Variants in NCK1 observed in about 807,000 individuals in gnomAD.
The protein encoded by NCK1 is SH2/SH3 adapter protein NCK1.
In NCK1, 19 loss-of-function variants were observed where a neutral mutation model predicts 36.6. The ratio of observed to expected loss-of-function variants is 0.52; its 90% CI spans 0.36 to 0.76. NCK1 has a LOEUF of 0.76. Ranked by LOEUF, NCK1 falls within the 30% of genes least tolerant of loss-of-function variation. The pLI, the probability that NCK1 is intolerant of heterozygous loss-of-function variation, is 0.00. For synonymous variants in NCK1, 165 were observed against 156.0 expected (o/e 1.06, Z -0.43); for missense variants, 358 against 445.6 (o/e 0.80, Z 1.77).
intron 1 of NCK1, among the ~76,000 whole-genome samples, chr3:136,920,146 C>G (rs1940068100): frequency 6.6e-6 from 1 of 152,114 alleles, no homozygotes; most frequent in Non-Finnish European, 1.5e-5. Context: ...GGTAAATACT[C>G]TTACTAATGA....
intron 1 of NCK1, among the ~76,000 whole-genome samples, chr3:136,900,817 T>G (rs963792084): frequency 1.3e-5 from 2 of 152,092 alleles, no homozygotes; most frequent in Admixed American, 1.3e-4. Flanking sequence ...TTTGGTGGAG[T>G]CTAGGTTTCT....
intron 2 of NCK1, among the ~76,000 whole-genome samples, chr3:136,931,160 ACAAC>A (rs1484584948): frequency 3.9e-5 from 6 of 152,210 alleles, no homozygotes; most frequent in Admixed American, 6.5e-5. Flanking sequence ...GAACAGCTAT[ACAAC>A]CAAGAGGAAA....
chr3:136,917,198 C>T (rs1055965760), intron 1 of NCK1, among the ~76,000 whole-genome samples: 5 of 149,964 alleles, frequency 3.3e-5, no homozygotes, highest in African/African-American at 9.8e-5. Flanking sequence ...TGTGGCCCAA[C>T]ACAAATTTGT....
rs189224550 is a variant in NCK1, at chr3:136,863,048, C to T, written c.-19+695C>T. On this transcript the variant is annotated intron_variant, in intron 1 of 3. Transcript: ENST00000481752. Reference sequence around the variant, plus strand: ...TCTGTATTAACATACAAGTTAAATTCGCCGTTAGAAGCTCAGGAAGCTGGG... The same window carrying T: ...TCTGTATTAACATACAAGTTAAATTTGCCGTTAGAAGCTCAGGAAGCTGGG... Among the ~76,000 whole-genome samples the T allele has an allele frequency of 1.4e-3, 199 of 140,418 alleles. 5 individuals carry two copies. In the South Asian group the frequency reaches 0.024, roughly 17 times the overall value. The allele number at this position is 140,418 out of a possible 152,430, so 92.1% of individuals were successfully genotyped here.
chr3:136,869,726 G>A (rs971512057), intron 1 of NCK1, among the ~76,000 whole-genome samples: 1 of 152,142 alleles, frequency 6.6e-6, no homozygotes, highest in Non-Finnish European at 1.5e-5. Context: ...CTGTAAGACA[G>A]CATAGAAGAC....
intron 1 of NCK1, among the ~76,000 whole-genome samples, 185 bp downstream of exon 1, chr3:136,862,538 T>C (rs1009374178): frequency 6.6e-6 from 1 of 152,254 alleles, no homozygotes; most frequent in African/African-American, 2.4e-5. Flanking sequence ...TCCAGACTTC[T>C]GCACCGGGAT....
intron 1 of NCK1, among the ~76,000 whole-genome samples, chr3:136,902,372 T>G (rs574642669): frequency 2.0e-5 from 3 of 152,140 alleles, no homozygotes; most frequent in South Asian, 2.1e-4. Flanking sequence ...TGATTTGTAT[T>G]TTAGTAAAAA....
chr3:136,902,075 A>AT (rs1939554953), intron 1 of NCK1, among the ~76,000 whole-genome samples: 1 of 151,120 alleles, frequency 6.6e-6, no homozygotes, highest in East Asian at 1.9e-4. Context: ...TGTTTCAATA[A>AT]TTTTTTTGAT....
intron 1 of NCK1, among the ~76,000 whole-genome samples, chr3:136,890,025 A>G (rs956660629): frequency 3.9e-5 from 6 of 152,142 alleles, no homozygotes; most frequent in African/African-American, 7.2e-5. Flanking sequence ...TGGGTGGTCA[A>G]TGGGATTGGG....
At chr3:136,903,415 A>G (rs1011042261) in intron 1 of NCK1, among the ~76,000 whole-genome samples, 3 of 152,092 alleles carry the variant, frequency 2.0e-5, no homozygotes, top group Admixed American at 6.6e-5. Flanking sequence ...AATCTATTCA[A>G]TCAGTATCTA....
chr3:136,885,171 A>G (rs1322283554), intron 1 of NCK1, among the ~76,000 whole-genome samples: 1 of 152,216 alleles, frequency 6.6e-6, no homozygotes, highest in Non-Finnish European at 1.5e-5. Context: ...TTAAGCAAGG[A>G]AACAGGAATG....
Position 136,948,621 on chromosome 3 carries a change from G to A in NCK1, c.*168G>A, listed in dbSNP as rs868266290. ...AACTCAGCCCATACATATATACTATGTATGCAGTGCATCTGCATAGAACAG... is the reference window on the plus strand; with the variant it reads ...AACTCAGCCCATACATATATACTATATATGCAGTGCATCTGCATAGAACAG... On this transcript the variant is annotated 3_prime_UTR_variant, in exon 4 of 4. Coordinates refer to ENST00000481752, the MANE Select transcript of NCK1 (RefSeq NM_001291999.2). 2.7e-5 allele frequency: 15 copies of A among 562,618 alleles called. No homozygotes were observed. The Middle Eastern group carries it at 3.4e-3, about 128-fold the overall frequency. The allele number at this position is 562,618 out of a possible 1,614,324, so 34.9% of individuals were successfully genotyped here.
At chr3:136,865,779 CTT>C (rs749254667) in intron 1 of NCK1, among the ~76,000 whole-genome samples, 1 of 152,168 alleles carries the variant, frequency 6.6e-6, no homozygotes, top group East Asian at 1.9e-4. Context: ...TTTAAGGAAA[CTT>C]TATGTCTGGC....
At chr3:136,927,921 T>G (rs1240367429) in intron 1 of NCK1, 63 bp from the exon 2 acceptor site, 1 of 1,190,454 alleles carries the variant, frequency 8.4e-7, no homozygotes. Flanking sequence ...GTGTCTCTTT[T>G]GAAAAGCATG....
At chr3:136,890,713 T>TA (rs1422140016) in intron 1 of NCK1, among the ~76,000 whole-genome samples, 1 of 152,350 alleles carries the variant, frequency 6.6e-6, no homozygotes, top group Admixed American at 6.5e-5. Context: ...TACATGTTTT[T>TA]AAAAAGTTAT....
intron 1 of NCK1, among the ~76,000 whole-genome samples, chr3:136,891,233 C>G (rs1272322393): frequency 1.3e-5 from 2 of 152,202 alleles, no homozygotes; most frequent in South Asian, 2.1e-4. Context: ...CTCCTGGGTT[C>G]AAGTAATTCT....
intron 1 of NCK1, among the ~76,000 whole-genome samples, chr3:136,896,670 G>T (rs1235490805): frequency 6.6e-6 from 1 of 151,994 alleles, no homozygotes; most frequent in Non-Finnish European, 1.5e-5. Context: ...AATTAAAAAA[G>T]AATTTTTTTT....
intron 1 of NCK1, among the ~76,000 whole-genome samples, chr3:136,867,253 GTCTC>G (rs34349896): frequency 8.7e-5 from 10 of 114,348 alleles, no homozygotes; most frequent in Non-Finnish European, 1.5e-4. Context: ...CCGTCCGTCT[GTCTC>G]TCTCTCTCTT....
intron 1 of NCK1, among the ~76,000 whole-genome samples, chr3:136,868,270 C>T (rs1938506600): frequency 6.6e-6 from 1 of 152,092 alleles, no homozygotes; most frequent in Non-Finnish European, 1.5e-5. Flanking sequence ...GTTTCTTTCC[C>T]CTATACTTGT....
Sources: gnomAD v4.1 joint callset for allele counts (sites outside exome capture counted in the v4.1 genomes callset) on GRCh38, gnomAD v4.1.1 for gene constraint, MANE v1.5 for transcripts, NCBI Gene and HGNC (gene_info 2026-07-23, HGNC 2026-07-21) for gene names.